The following ORC5 variants were observed in gnomAD, a reference collection of about 807,000 sequenced individuals.
ORC5 encodes origin recognition complex subunit 5.
ORC5 carries 39 observed loss-of-function variants against 58.8 expected under a neutral mutation model. The observed-to-expected ratio is 0.66, with a 90% confidence interval of 0.51 to 0.87. The LOEUF (loss-of-function observed/expected upper bound fraction) is 0.87, where lower values mean the gene tolerates loss of function less well. Ranked by LOEUF, ORC5 falls within the 40% of genes least tolerant of loss-of-function variation. The pLI is 0.00. For synonymous variants in ORC5, 218 were observed against 177.6 expected, an observed-to-expected ratio of 1.23 and a Z score of -1.81; for missense variants, 493 against 506.3, an observed-to-expected ratio of 0.97 and a Z score of 0.25.
chr7:104,178,299 T>G (rs951134286), intron 8 of ORC5, among the ~76,000 whole-genome samples: 4 of 152,194 alleles, frequency 2.6e-5, no homozygotes, highest in Non-Finnish European at 2.9e-5. Flanking sequence ...GTTTTGATTT[T>G]CATTTCTCTA....
At chr7:104,158,980 T>C (rs975121703) in intron 12 of ORC5, among the ~76,000 whole-genome samples, 6 of 110,090 alleles carry the variant, frequency 5.5e-5, no homozygotes, top group Non-Finnish European at 1.1e-4. Flanking sequence ...ATCCTGGGTA[T>C]ATACCCAAAG....
At chr7:104,204,358 T>TGCTC in intron 1 of ORC5, 124 bp from the exon 2 acceptor site, 1 of 641,172 alleles carries the variant, frequency 1.6e-6, no homozygotes, top group Non-Finnish European at 2.8e-6. Flanking sequence ...ACAATGAGCA[T>TGCTC]ATTGTGGATG....
At chr7:104,198,932 C>T (rs10250051) in intron 3 of ORC5, among the ~76,000 whole-genome samples, 16,759 of 152,246 alleles carry the variant, frequency 0.11, 1,615 homozygotes, top group African/African-American at 0.26. Flanking sequence ...AAGGGGCCAG[C>T]GTATAGCTCA....
chr7:104,161,355 T>C (rs9655777), intron 11 of ORC5, among the ~76,000 whole-genome samples, 173 bp from the exon 12 acceptor site: 8,094 of 152,132 alleles, frequency 0.053, 709 homozygotes, highest in African/African-American at 0.18. Flanking sequence ...TGATCATGAT[T>C]TATCCTTTTT....
At chr7:104,143,689 T>C (rs988258673) in intron 12 of ORC5, among the ~76,000 whole-genome samples, 1 of 152,082 alleles carries the variant, frequency 6.6e-6, no homozygotes, top group South Asian at 2.1e-4. Context: ...TTTTTCACAT[T>C]AAAAAAACTC....
intron 12 of ORC5, among the ~76,000 whole-genome samples, chr7:104,139,780 G>A (rs1020239859): frequency 2.6e-5 from 4 of 151,908 alleles, no homozygotes; most frequent in South Asian, 4.2e-4. Context: ...TTTGTTACAT[G>A]TCTATTGCTT....
chr7:104,205,052 T>A (rs1209287610), intron 1 of ORC5, among the ~76,000 whole-genome samples: 1 of 149,466 alleles, frequency 6.7e-6, no homozygotes, highest in Non-Finnish European at 1.5e-5. Flanking sequence ...ATTTTTAAAA[T>A]AATTACGGGA....
intron 2 of ORC5, chr7:104,202,437 T>C (rs1480648648): frequency 2.8e-5 from 12 of 429,798 alleles, no homozygotes; most frequent in Non-Finnish European, 4.2e-5. Context: ...TACTGTCCTT[T>C]AAGAACAAAA....
At chr7:104,185,783 C>T (rs1429525866) in intron 6 of ORC5, among the ~76,000 whole-genome samples, 1 of 151,674 alleles carries the variant, frequency 6.6e-6, no homozygotes, top group African/African-American at 2.4e-5. Context: ...CATACTAATT[C>T]CATTTATTTA....
intron 13 of ORC5, among the ~76,000 whole-genome samples, chr7:104,130,998 T>C (rs1273987620): frequency 6.6e-6 from 1 of 152,204 alleles, no homozygotes. Context: ...ATTTCGATTA[T>C]AATTCTTTGC....
chr7:104,189,166 C>T (rs1281053730), intron 5 of ORC5, among the ~76,000 whole-genome samples: 1 of 151,910 alleles, frequency 6.6e-6, no homozygotes, highest in Admixed American at 6.6e-5. Flanking sequence ...TTGTCACATA[C>T]ACTGCTATGA....
intron 6 of ORC5, chr7:104,187,600 CAG>C (rs1217600010): frequency 3.9e-6 from 1 of 255,476 alleles, no homozygotes; most frequent in Non-Finnish European, 6.1e-6. Context: ...AAAGGGAAAA[CAG>C]AAATTCTTGT....
At position 104,207,950 on chromosome 7, in the gene ORC5, C is replaced by A. The variant is rs777306558; in HGVS notation, c.-46G>T. ...AGGCCAGTGCAGCCAGCCCACAGGACCCTTGCACAAGACGGAGCCTCTCCC... is the reference window on the plus strand; with the variant it reads ...AGGCCAGTGCAGCCAGCCCACAGGAACCTTGCACAAGACGGAGCCTCTCCC... On this transcript the variant is annotated 5_prime_UTR_variant, in exon 1 of 14. Coordinates refer to ENST00000297431, the MANE Select transcript of ORC5 (RefSeq NM_002553.4). 1 of 1,568,928 alleles carries A rather than the reference C, an allele frequency of 6.4e-7. No individual in the cohort carries two copies. The highest frequency in any genetic ancestry group is 1.1e-5 in the South Asian group (1 of 90,110).
chr7:104,145,006 A>G (rs1298872749), intron 12 of ORC5, among the ~76,000 whole-genome samples: 1 of 152,196 alleles, frequency 6.6e-6, no homozygotes, highest in Non-Finnish European at 1.5e-5. Flanking sequence ...AGCCTTTCCC[A>G]TCTAACTGCC....
At chr7:104,142,058 A>G (rs1383451587) in intron 12 of ORC5, among the ~76,000 whole-genome samples, 2 of 152,162 alleles carry the variant, frequency 1.3e-5, no homozygotes, top group Admixed American at 6.5e-5. Context: ...ACAGATCCAC[A>G]GAACAGAAAG....
chr7:104,204,437 T>C (rs765446331), intron 1 of ORC5, among the ~76,000 whole-genome samples: 3 of 152,340 alleles, frequency 2.0e-5, no homozygotes, highest in Non-Finnish European at 2.9e-5. Context: ...TTAAAATGTA[T>C]GTAACATATT....
At chr7:104,139,094 T>TA (rs1350196420) in intron 12 of ORC5, among the ~76,000 whole-genome samples, 1 of 152,208 alleles carries the variant, frequency 6.6e-6, no homozygotes, top group Non-Finnish European at 1.5e-5. Flanking sequence ...TTTGGAGACT[T>TA]AGTTACCTGT....
intron 13 of ORC5, among the ~76,000 whole-genome samples, chr7:104,128,174 G>GTGCA (rs1485593008): frequency 2.0e-5 from 3 of 152,158 alleles, no homozygotes; most frequent in African/African-American, 7.2e-5. Context: ...CCAGGCTGGA[G>GTGCA]TGCAATAGCA....
chr7:104,149,111 G>A (rs1400092393), intron 12 of ORC5, among the ~76,000 whole-genome samples: 2 of 151,704 alleles, frequency 1.3e-5, no homozygotes. Context: ...AGATGATATT[G>A]AAGATGGTAT....
Sources: allele counts gnomAD v4.1 joint callset (sites outside exome capture counted in the v4.1 genomes callset), GRCh38; gene constraint gnomAD v4.1.1; transcripts MANE v1.5; gene names NCBI Gene and HGNC (gene_info 2026-07-23, HGNC 2026-07-21).